The following SETD3 variants were observed in gnomAD, a reference collection of about 807,000 sequenced individuals.
SETD3 encodes the protein SET domain containing 3, actin N3(tau)-histidine methyltransferase.
SETD3 carries 19 observed loss-of-function variants against 63.0 expected under a neutral mutation model. The ratio of observed to expected loss-of-function variants is 0.30; its 90% confidence interval spans 0.21 to 0.44. The LOEUF is 0.44. Among genes scored for constraint, SETD3 ranks in the 20% least tolerant of loss-of-function variants. The pLI is 1.00. For missense variants in SETD3, 587 were observed against 728.5 expected (o/e 0.81, Z 2.24); for synonymous variants, 286 against 264.1 (o/e 1.08, Z -0.80).
intron 6 of SETD3, among the ~76,000 whole-genome samples, chr14:99,442,066 T>A (rs1893852352): frequency 6.6e-6 from 1 of 152,168 alleles, no homozygotes; most frequent in Non-Finnish European, 1.5e-5. Context: ...CGGCATGAAT[T>A]CTGACTATGA....
At chr14:99,449,817 G>T (rs771230323) in intron 6 of SETD3, among the ~76,000 whole-genome samples, 13 of 152,214 alleles carry the variant, frequency 8.5e-5, no homozygotes, top group Non-Finnish European at 1.9e-4. Context: ...GTGAAGCTAG[G>T]TGAAGTGTAT....
intron 1 of SETD3, among the ~76,000 whole-genome samples, chr14:99,474,138 T>C (rs1895846629): frequency 6.6e-6 from 1 of 151,790 alleles, no homozygotes; most frequent in Non-Finnish European, 1.5e-5. Flanking sequence ...TTGGTCAACA[T>C]GATGAGACCC....
intron 12 of SETD3, 73 bp downstream of exon 12, chr14:99,400,026 C>G (rs1891303654): frequency 7.3e-7 from 1 of 1,375,868 alleles, no homozygotes; most frequent in Middle Eastern, 1.9e-4. Flanking sequence ...CAGGCGTGAG[C>G]CACCGCACCA....
At chr14:99,405,407 G>A (rs563961755) in intron 9 of SETD3, 36 bp from the exon 10 acceptor site, 2 of 1,598,024 alleles carry the variant, frequency 1.3e-6, no homozygotes, top group South Asian at 1.1e-5. Flanking sequence ...AAGGGCATTA[G>A]ACAAACTTGG....
intron 8 of SETD3, chr14:99,412,687 G>T (rs528675694): frequency 5.4e-4 from 183 of 341,628 alleles, no homozygotes; most frequent in African/African-American, 3.6e-3. Flanking sequence ...TTATGGCTTA[G>T]CAAACACATG....
chr14:99,461,491 C>A, intron 3 of SETD3, 151 bp from the exon 4 acceptor site: 3 of 721,866 alleles, frequency 4.2e-6, no homozygotes, highest in Non-Finnish European at 6.8e-6. Context: ...CAGATGGTCA[C>A]AGTACATACC....
chr14:99,414,792 G>T (rs980593822), intron 6 of SETD3, among the ~76,000 whole-genome samples: 6 of 152,210 alleles, frequency 3.9e-5, no homozygotes, highest in Non-Finnish European at 5.9e-5. Flanking sequence ...CTGATAGATT[G>T]TAGTAAGTGA....
intron 6 of SETD3, among the ~76,000 whole-genome samples, chr14:99,455,894 C>G (rs775988201): frequency 2.0e-5 from 3 of 152,250 alleles, no homozygotes; most frequent in Non-Finnish European, 4.4e-5. Flanking sequence ...GCGGTTCACG[C>G]CTGTAATCCC....
chr14:99,400,168 C>G lies in SETD3; in HGVS notation c.1269G>C (p.Glu423Asp), dbSNP rs749942885. ...CTTCAAGAAATGTCCAAAGTTTGAC[C>G]TCGTTGTCCCAGCTAACAGGAAATT... ...NSEFPVSWDN[E>D]VKLWTFLEDR... is the part of the protein sequence containing the mutation. Residue 423 changes from glutamate to aspartate, a missense_variant, in exon 12 of 13, where the codon GAG becomes GAC. Glu to Asp is a conservative substitution (Grantham distance 45, BLOSUM62 2). Transcript: ENST00000331768. The G allele has an allele frequency of 1.9e-6, 3 of 1,614,096 alleles. No individual in the cohort carries two copies. The Admixed American group carries it at 5.0e-5, about 27-fold the overall frequency.
chr14:99,405,629 G>T (rs1005996781), intron 9 of SETD3, among the ~76,000 whole-genome samples: 2 of 152,012 alleles, frequency 1.3e-5, no homozygotes, highest in African/African-American at 4.8e-5. Flanking sequence ...ACCACCAAAG[G>T]CCTTACTAGT....
In SETD3 at chr14:99,412,858, A is replaced by G. The variant is rs571419274; in HGVS notation, c.849+93T>C. 8.7e-5 allele frequency: 74 copies of G among 855,086 alleles called. No homozygotes were observed. In the East Asian group the frequency reaches 1.7e-3, roughly 19 times the overall value. The allele number at this position is 855,086 out of a possible 1,614,324, so 53.0% of individuals were successfully genotyped here. Reference sequence around the variant, plus strand: ...CCTTTTGGAGGGAGGCAACGGGGGGAGTACGATGGGTAGGTGGAATAACAG... The same window carrying G: ...CCTTTTGGAGGGAGGCAACGGGGGGGGTACGATGGGTAGGTGGAATAACAG... On this transcript the variant is annotated intron_variant, in intron 8 of 12. Transcript: ENST00000331768.
intron 1 of SETD3, among the ~76,000 whole-genome samples, chr14:99,468,834 C>A (rs1895538538): frequency 6.6e-6 from 1 of 152,180 alleles, no homozygotes; most frequent in Admixed American, 6.5e-5. Context: ...AAAAGACGTG[C>A]TCACATACCA....
At chr14:99,410,974 G>A (rs1424555125) in intron 8 of SETD3, among the ~76,000 whole-genome samples, 1 of 152,182 alleles carries the variant, frequency 6.6e-6, no homozygotes, top group Non-Finnish European at 1.5e-5. Flanking sequence ...CGTCTTAAAA[G>A]CCAAGCCTTG....
intron 6 of SETD3, among the ~76,000 whole-genome samples, chr14:99,457,796 CTA>C (rs1381985932): frequency 2.0e-5 from 3 of 152,174 alleles, no homozygotes; most frequent in Non-Finnish European, 4.4e-5. Flanking sequence ...ATAGAGATTT[CTA>C]TGAGAAACTT....
At position 99,429,196 on chromosome 14, in the gene SETD3, A is replaced by G. The variant is rs1275016223; in HGVS notation, c.676-15262T>C. Among the ~76,000 whole-genome samples the G allele has an allele frequency of 4.6e-5, 7 of 152,254 alleles. No individual in the cohort carries two copies. In the South Asian group the frequency reaches 6.2e-4, roughly 14 times the overall value. Reference sequence around the variant, plus strand: ...GGGATCTCCACTCCATGATCCAGGAACCCAGTAAATGTTAGTGCCCTTCTG... The same window carrying G: ...GGGATCTCCACTCCATGATCCAGGAGCCCAGTAAATGTTAGTGCCCTTCTG... On this transcript the variant is annotated intron_variant, in intron 6 of 12. Transcript: ENST00000331768.
rs535107954 is a variant in SETD3, at chr14:99,440,525, C to T, written c.675+17754G>A. 3.3e-5 allele frequency among the ~76,000 whole-genome samples: 5 copies of T among 152,210 alleles called. No homozygotes were observed. In the East Asian group the frequency reaches 5.8e-4, roughly 18 times the overall value. On this transcript the variant is annotated intron_variant, in intron 6 of 12. Transcript: ENST00000331768. ...TGTCTACATCATGCGCAGGGGAGGG[C>T]GATTCACTGGAACAGCTCAGAGAGC...
Position 99,400,215 on chromosome 14 carries a change from T to G in SETD3, c.1222A>C (p.Ile408Leu), listed in dbSNP as rs771059919. 6.2e-7 allele frequency: 1 copy of G among 1,614,172 alleles called. No homozygotes were observed. The highest frequency in any genetic ancestry group is 1.3e-5 in the African/African-American group (1 of 75,052). ...AATTCCGAGTTCCCCAAGGTGAAGA[T>G]TCTATCAATAGCGCTGTCTCCCAGC... ...HLLGDSAIDR[I>L]FTLGNSEFPV... The change falls in exon 12 of 13, where the codon ATC becomes CTC. Residue 408 changes from isoleucine to leucine, a missense_variant. By Grantham distance (5) the Ile-to-Leu change is conservative (BLOSUM62 2). Transcript: ENST00000331768.
intron 11 of SETD3, among the ~76,000 whole-genome samples, chr14:99,402,424 C>CGTTT (rs1025384826): frequency 3.9e-5 from 6 of 152,090 alleles, no homozygotes; most frequent in African/African-American, 1.4e-4. Flanking sequence ...TTAGTTTGTT[C>CGTTT]GTTTGTTTGT....
chr14:99,423,588 CAAAA>C (rs536996347), intron 6 of SETD3, among the ~76,000 whole-genome samples: 925 of 36,770 alleles, frequency 0.025, 2 homozygotes, highest in Non-Finnish European at 0.036. Context: ...CACTGTTATG[CAAAA>C]AAAAAAAAAA....
Sources: allele counts gnomAD v4.1 joint callset (sites outside exome capture counted in the v4.1 genomes callset), GRCh38; gene constraint gnomAD v4.1.1; transcripts MANE v1.5; gene names NCBI Gene and HGNC (gene_info 2026-07-23, HGNC 2026-07-21).